Variants in NTM observed in about 807,000 individuals in gnomAD.
NTM encodes IgLON family member 2.
Under a neutral mutation model 42.1 loss-of-function variants are expected in NTM, and 13 were observed. That is an observed-to-expected ratio of 0.31 (90% CI 0.20 to 0.49). The LOEUF is 0.49. Ranked by LOEUF, NTM falls within the 20% of genes least tolerant of loss-of-function variation. NTM has a pLI of 0.99. For synonymous variants in NTM, 187 were observed against 179.2 expected (o/e 1.04, Z -0.35); for missense variants, 373 against 452.8 (o/e 0.82, Z 1.60).
intron 1 of NTM, among the ~76,000 whole-genome samples, chr11:131,552,750 G>C (rs1024478607): frequency 6.7e-6 from 1 of 149,728 alleles, no homozygotes; most frequent in Admixed American, 6.7e-5. Flanking sequence ...CCCGGGAGGC[G>C]GAGCTTGCAG....
intron 7 of NTM, among the ~76,000 whole-genome samples, chr11:132,319,238 G>T (rs1386700870): frequency 6.6e-6 from 1 of 152,166 alleles, no homozygotes; most frequent in Non-Finnish European, 1.5e-5. Flanking sequence ...GAGGTACCGG[G>T]TTCATCTCAC....
At chr11:131,512,168 G>A (rs1481466628) in intron 1 of NTM, among the ~76,000 whole-genome samples, 4 of 152,192 alleles carry the variant, frequency 2.6e-5, no homozygotes, top group African/African-American at 7.2e-5. Flanking sequence ...TTGGGGACAC[G>A]AGTGGATGAA....
chr11:131,860,723 G>A (rs567269922), intron 1 of NTM, among the ~76,000 whole-genome samples: 3 of 152,276 alleles, frequency 2.0e-5, no homozygotes, highest in African/African-American at 7.2e-5. Flanking sequence ...AGGGCAGCAG[G>A]TCCCAGGAAG....
At chr11:131,394,079 C>T (rs763058974) in intron 1 of NTM, among the ~76,000 whole-genome samples, 4 of 152,112 alleles carry the variant, frequency 2.6e-5, no homozygotes, top group African/African-American at 7.2e-5. Flanking sequence ...AAAATTGTAC[C>T]GGAGAAGCAG....
chr11:131,930,194 T>A (rs548333826), intron 2 of NTM, among the ~76,000 whole-genome samples: 1 of 152,354 alleles, frequency 6.6e-6, no homozygotes, highest in African/African-American at 2.4e-5. Flanking sequence ...AGAAATGCAT[T>A]TGAAACTTTT....
At chr11:132,306,366 T>C (rs945363419) in intron 4 of NTM, 5 of 152,158 alleles carry the variant, frequency 3.3e-5, no homozygotes, top group Non-Finnish European at 5.9e-5. Flanking sequence ...TGGAGAGAAA[T>C]GTCCCTTTGT....
intron 2 of NTM, among the ~76,000 whole-genome samples, chr11:132,025,162 T>C (rs1238904277): frequency 2.0e-5 from 3 of 152,168 alleles, no homozygotes; most frequent in Non-Finnish European, 4.4e-5. Flanking sequence ...GAGCAAGATG[T>C]TTCATGTCCA....
At chr11:131,944,120 A>G (rs1425183138) in intron 2 of NTM, among the ~76,000 whole-genome samples, 1 of 152,128 alleles carries the variant, frequency 6.6e-6, no homozygotes, top group Non-Finnish European at 1.5e-5. Flanking sequence ...CCTATGTGAC[A>G]CTGATATGCT....
At chr11:131,401,832 A>ATGTG (rs1294217689) in intron 1 of NTM, among the ~76,000 whole-genome samples, 21 of 82,228 alleles carry the variant, frequency 2.6e-4, no homozygotes, top group Non-Finnish European at 4.8e-4. Context: ...ATATATATAT[A>ATGTG]TATATATATA....
intron 1 of NTM, among the ~76,000 whole-genome samples, chr11:131,526,029 C>A (rs1591938312): frequency 2.0e-5 from 3 of 152,214 alleles, no homozygotes; most frequent in Admixed American, 1.3e-4. Context: ...ATCAAGCATC[C>A]ATTGTACCAG....
At chr11:132,046,001 A>C (rs374936647) in intron 2 of NTM, among the ~76,000 whole-genome samples, 12 of 152,190 alleles carry the variant, frequency 7.9e-5, no homozygotes, top group Non-Finnish European at 1.6e-4. Flanking sequence ...AGACTCCAAA[A>C]TGGAATTTTA....
chr11:131,667,412 G>A lies in NTM; in HGVS notation c.83-244152G>A, dbSNP rs549345901. 1.1e-4 allele frequency among the ~76,000 whole-genome samples: 16 copies of A among 152,268 alleles called. No individual in the cohort carries two copies. The South Asian group carries it at 3.3e-3, about 32-fold the overall frequency. ...CTTGGGAAAGCCTTCCTGATCCCCA[G>A]GCTGGGTGCTCACCCTTGAATCCAC... is the stretch of plus-strand genomic sequence containing the variant. On this transcript the variant is annotated intron_variant, in intron 1 of 8. Coordinates refer to ENST00000683400, the MANE Select transcript of NTM (RefSeq NM_001352005.2).
intron 1 of NTM, among the ~76,000 whole-genome samples, chr11:131,371,935 T>C (rs1941260705): frequency 6.6e-6 from 1 of 152,208 alleles, no homozygotes; most frequent in African/African-American, 2.4e-5. Context: ...CTCAGTCCTA[T>C]GCAGTTGTAT....
intron 4 of NTM, among the ~76,000 whole-genome samples, chr11:132,256,821 T>G (rs1208778993): frequency 1.3e-5 from 2 of 151,886 alleles, no homozygotes; most frequent in African/African-American, 4.8e-5. Context: ...CGCAGGAGAG[T>G]GGGCCTGCCG....
chr11:131,983,290 C>T (rs1272342263), intron 2 of NTM, among the ~76,000 whole-genome samples: 1 of 151,682 alleles, frequency 6.6e-6, no homozygotes, highest in Non-Finnish European at 1.5e-5. Flanking sequence ...AGTCCAACCT[C>T]TCTAAATTGT....
chr11:132,104,222 T>C (rs2061980791), intron 2 of NTM, among the ~76,000 whole-genome samples: 1 of 152,124 alleles, frequency 6.6e-6, no homozygotes, highest in African/African-American at 2.4e-5. Context: ...GTGGATCTGT[T>C]ATGGTGCATG....
intron 7 of NTM, among the ~76,000 whole-genome samples, chr11:132,315,548 A>T (rs1474516958): frequency 6.6e-6 from 1 of 152,158 alleles, no homozygotes; most frequent in Non-Finnish European, 1.5e-5. Context: ...CCAATCCCTC[A>T]TGTTAACAAG....
At chr11:131,481,609 G>A (rs1822129678) in intron 1 of NTM, among the ~76,000 whole-genome samples, 1 of 150,088 alleles carries the variant, frequency 6.7e-6, no homozygotes, top group South Asian at 2.1e-4. Flanking sequence ...AGCTGAGGGA[G>A]CTGTGTGGTT....
chr11:131,849,988 A>ATAATAG (rs1270643702), intron 1 of NTM, among the ~76,000 whole-genome samples: 2 of 151,680 alleles, frequency 1.3e-5, no homozygotes, highest in African/African-American at 4.8e-5. Context: ...AATAATAATA[A>ATAATAG]TAATAATAAG....
Sources: gnomAD v4.1 joint callset for allele counts (sites outside exome capture counted in the v4.1 genomes callset) on GRCh38, gnomAD v4.1.1 for gene constraint, MANE v1.5 for transcripts, NCBI Gene and HGNC (gene_info 2026-07-23, HGNC 2026-07-21) for gene names.